ANKRD30BL: variants seen among roughly 807,000 people sequenced by gnomAD.
ANKRD30BL encodes the protein putative ankyrin repeat domain-containing protein 30B-like.
A neutral mutation model predicts 18.4 loss-of-function variants in ANKRD30BL; 20 were observed. The ratio of observed to expected loss-of-function variants is 1.09; its 90% confidence interval spans 0.77 to 1.58. The LOEUF (loss-of-function observed/expected upper bound fraction) is 1.58. Among genes scored for constraint, ANKRD30BL ranks in the 40% most tolerant of loss-of-function variants. The pLI is 0.00. For missense variants in ANKRD30BL, 224 were observed against 268.6 expected (o/e 0.83, Z 1.16); for synonymous variants, 72 against 100.9 (o/e 0.71, Z 1.72).
At chr2:132,222,376 G>A (rs553628531) in intron 1 of ANKRD30BL, among the ~76,000 whole-genome samples, 4 of 152,168 alleles carry the variant, frequency 2.6e-5, no homozygotes, top group South Asian at 2.1e-4. Flanking sequence ...TGACAATGGC[G>A]GTTTTGTGGA....
At chr2:132,247,428 T>C (rs1680534176) in intron 1 of ANKRD30BL, among the ~76,000 whole-genome samples, 2 of 151,778 alleles carry the variant, frequency 1.3e-5, no homozygotes, top group African/African-American at 4.8e-5. Flanking sequence ...AAATTTCCTA[T>C]TTCAACAGAG....
intron 1 of ANKRD30BL, among the ~76,000 whole-genome samples, chr2:132,201,605 C>A (rs1427443058): frequency 2.6e-5 from 4 of 152,148 alleles, no homozygotes; most frequent in African/African-American, 7.2e-5. Context: ...CCTTCTCACA[C>A]CAGTTAGAAT....
chr2:132,239,715 T>G (rs1251439794), intron 1 of ANKRD30BL, among the ~76,000 whole-genome samples: 8 of 151,944 alleles, frequency 5.3e-5, no homozygotes, highest in Non-Finnish European at 1.2e-4. Context: ...AGTTGAACAT[T>G]CCCTTTCAGT....
At chr2:132,205,340 G>T (rs1418147466) in intron 1 of ANKRD30BL, among the ~76,000 whole-genome samples, 1 of 150,954 alleles carries the variant, frequency 6.6e-6, no homozygotes, top group Non-Finnish European at 1.5e-5. Flanking sequence ...GCTGGGCATT[G>T]TGGCTCATGC....
At chr2:132,199,398 C>T (rs1175121272) in intron 1 of ANKRD30BL, among the ~76,000 whole-genome samples, 2 of 152,096 alleles carry the variant, frequency 1.3e-5, no homozygotes, top group Non-Finnish European at 2.9e-5. Context: ...CTAACTTTTT[C>T]TATCTGCCAG....
chr2:132,247,295 G>A (rs1296798846), intron 1 of ANKRD30BL, among the ~76,000 whole-genome samples: 1 of 151,468 alleles, frequency 6.6e-6, no homozygotes, highest in South Asian at 2.1e-4. Flanking sequence ...AGCGCTTTGA[G>A]GCCTATGGTC....
In ANKRD30BL at chr2:132,256,864, G is replaced by C. The variant is rs538095774; in HGVS notation, n.441+665C>G. Reference sequence around the variant, plus strand: ...CACAGCCTAAGGCGGTGAGCCGCTCGGGGAGAGAGGATCCGCGGGCAGGGT... The same window carrying C: ...CACAGCCTAAGGCGGTGAGCCGCTCCGGGAGAGAGGATCCGCGGGCAGGGT... On this transcript the variant is annotated intron_variant and non_coding_transcript_variant, in intron 1 of 4. Transcript: ENST00000470729. 3.1e-3 allele frequency: 1,372 copies of C among 437,258 alleles called. 14 individuals carry two copies. Among genetic ancestry groups the C allele is most frequent in the African/African-American group, 0.025 (1,210 of 49,256 alleles). 27.1% of individuals were successfully genotyped at this position (437,258 alleles called of 1,614,324 possible).
chr2:132,212,082 A>G (rs1226494592), intron 1 of ANKRD30BL, among the ~76,000 whole-genome samples: 4 of 151,834 alleles, frequency 2.6e-5, no homozygotes, highest in African/African-American at 9.7e-5. Context: ...AAATATCTTC[A>G]CATAAAAACT....
intron 1 of ANKRD30BL, among the ~76,000 whole-genome samples, chr2:132,182,338 C>T (rs1257670072): frequency 6.6e-6 from 1 of 151,356 alleles, no homozygotes; most frequent in Non-Finnish European, 1.5e-5. Flanking sequence ...AAAAATTAGC[C>T]AGGTGTGGTG....
chr2:132,187,797 C>T (rs375759157), intron 1 of ANKRD30BL, among the ~76,000 whole-genome samples: 3 of 147,712 alleles, frequency 2.0e-5, no homozygotes, highest in Non-Finnish European at 3.0e-5. Flanking sequence ...TTGCTCTTGT[C>T]GCACAGGCTG....
intron 1 of ANKRD30BL, among the ~76,000 whole-genome samples, chr2:132,209,513 C>T (rs1239434213): frequency 2.0e-5 from 3 of 152,012 alleles, no homozygotes; most frequent in South Asian, 2.1e-4. Flanking sequence ...AAGGAAACAT[C>T]TGCACATAAA....
intron 1 of ANKRD30BL, among the ~76,000 whole-genome samples, chr2:132,213,665 G>A (rs1211522156): frequency 6.6e-6 from 1 of 152,202 alleles, no homozygotes; most frequent in African/African-American, 2.4e-5. Context: ...AAACTAGACA[G>A]AAGCATTCTG....
chr2:132,221,213 C>T (rs865991622), intron 1 of ANKRD30BL, among the ~76,000 whole-genome samples: 44 of 140,140 alleles, frequency 3.1e-4, no homozygotes, highest in Middle Eastern at 7.7e-3. Flanking sequence ...GCCCCCCGCC[C>T]GGCCAGCCGC....
At chr2:132,232,786 C>A (rs557958828) in intron 1 of ANKRD30BL, among the ~76,000 whole-genome samples, 1 of 152,156 alleles carries the variant, frequency 6.6e-6, no homozygotes, top group East Asian at 1.9e-4. Flanking sequence ...GGAGAACTTC[C>A]CCAATCTAGC....
chr2:132,148,393 G>T, intron 5 of ANKRD30BL, among the ~76,000 whole-genome samples, 165 bp from the exon 6 acceptor site: 1 of 94,106 alleles, frequency 1.1e-5, no homozygotes, highest in South Asian at 3.9e-4. Context: ...TGAGACAAGA[G>T]CCTCGCTCTG....
intron 1 of ANKRD30BL, among the ~76,000 whole-genome samples, chr2:132,220,510 C>T (rs887265423): frequency 4.6e-5 from 7 of 152,114 alleles, no homozygotes; most frequent in East Asian, 3.9e-4. Flanking sequence ...ATTGCAGGCG[C>T]GCGTCGCCAC....
intron 1 of ANKRD30BL, among the ~76,000 whole-genome samples, chr2:132,222,832 TAAAAAAAAA>T (rs71001178): frequency 8.7e-4 from 46 of 52,812 alleles, no homozygotes; most frequent in Non-Finnish European, 8.6e-4. Flanking sequence ...GAATGATCAA[TAAAAAAAAA>T]AAAAAAAAAA....
rs538827940 is a variant in ANKRD30BL at position 132,253,932 on chromosome 2, G to T, written n.441+3597C>A. ...AGGTGACGATGGTGGCAGCGGCAGCGATGGGAACCTGGCCAGCCCCAAAGG... is the reference window on the plus strand; with the variant it reads ...AGGTGACGATGGTGGCAGCGGCAGCTATGGGAACCTGGCCAGCCCCAAAGG... On this transcript the variant is annotated intron_variant and non_coding_transcript_variant, in intron 1 of 4. Transcript: ENST00000470729. Among the ~76,000 whole-genome samples the T allele has an allele frequency of 5.3e-5, 8 of 152,148 alleles. No homozygotes were observed. The East Asian group carries it at 1.6e-3, about 30-fold the overall frequency.
At chr2:132,202,511 A>C (rs1299611129) in intron 1 of ANKRD30BL, among the ~76,000 whole-genome samples, 1 of 151,892 alleles carries the variant, frequency 6.6e-6, no homozygotes, top group Non-Finnish European at 1.5e-5. Flanking sequence ...AGAAATTTCA[A>C]AAAAATAAAA....
Sources: allele counts gnomAD v4.1 joint callset (sites outside exome capture counted in the v4.1 genomes callset), GRCh38; gene constraint gnomAD v4.1.1; transcripts MANE v1.5; gene names NCBI Gene and HGNC (gene_info 2026-07-23, HGNC 2026-07-21).